The following MAGI3 variants were observed in gnomAD, a reference collection of about 807,000 sequenced individuals.
MAGI3 encodes the protein membrane associated guanylate kinase, WW and PDZ domain containing 3, also known as membrane-associated guanylate kinase, WW and PDZ domain-containing protein 3.
A neutral mutation model predicts 121.8 loss-of-function variants in MAGI3; 43 were observed. The ratio of observed to expected loss-of-function variants is 0.35; its 90% confidence interval spans 0.28 to 0.46. The LOEUF (loss-of-function observed/expected upper bound fraction) is 0.46. MAGI3 is among the 20% of genes least tolerant of loss of function. MAGI3 has a pLI of 1.00. For synonymous variants in MAGI3, 553 were observed against 639.3 expected (o/e 0.86, Z 2.04); for missense variants, 1,547 against 1,797.3 (o/e 0.86, Z 2.52).
At chr1:113,454,402 T>A (rs1447343686) in intron 1 of MAGI3, among the ~76,000 whole-genome samples, 1 of 152,188 alleles carries the variant, frequency 6.6e-6, no homozygotes, top group African/African-American at 2.4e-5. Flanking sequence ...TTTCACTTAG[T>A]AGCTGTGTGA....
intron 1 of MAGI3, among the ~76,000 whole-genome samples, chr1:113,397,783 A>G (rs1392572994): frequency 1.3e-5 from 2 of 152,122 alleles, no homozygotes; most frequent in African/African-American, 2.4e-5. Flanking sequence ...CATTCCACTC[A>G]TAATGTTATA....
intron 1 of MAGI3, among the ~76,000 whole-genome samples, chr1:113,415,992 ATATAAT>A (rs1652282731): frequency 1.2e-5 from 1 of 80,920 alleles, no homozygotes; most frequent in South Asian, 6.3e-4. Context: ...TATATTAATT[ATATAAT>A]TAATTACATA....
chr1:113,673,842 G>A (rs1647706747), intron 19 of MAGI3, among the ~76,000 whole-genome samples: 2 of 152,140 alleles, frequency 1.3e-5, no homozygotes, highest in Non-Finnish European at 2.9e-5. Flanking sequence ...CTTTTTCCAG[G>A]AGGCAATAGG....
At chr1:113,626,572 G>A (rs1319324190) in intron 9 of MAGI3, among the ~76,000 whole-genome samples, 1 of 152,138 alleles carries the variant, frequency 6.6e-6, no homozygotes, top group Non-Finnish European at 1.5e-5. Flanking sequence ...CAGCAGTAAA[G>A]CCATCAGATC....
At chr1:113,660,766 A>ATTTTT (rs33956607) in intron 16 of MAGI3, among the ~76,000 whole-genome samples, 2 of 122,984 alleles carry the variant, frequency 1.6e-5, no homozygotes, top group African/African-American at 6.2e-5. Flanking sequence ...ATAATTTTTA[A>ATTTTT]TTTTTTTTTT....
intron 1 of MAGI3, among the ~76,000 whole-genome samples, chr1:113,547,716 T>C (rs552225410): frequency 2.6e-5 from 4 of 152,344 alleles, no homozygotes; most frequent in East Asian, 1.9e-4. Context: ...CGGTGATGAA[T>C]AGTATACTGT....
intron 6 of MAGI3, among the ~76,000 whole-genome samples, chr1:113,607,992 C>T (rs1649889610): frequency 6.6e-6 from 1 of 152,118 alleles, no homozygotes; most frequent in African/African-American, 2.4e-5. Flanking sequence ...TACCTATTAT[C>T]CTTCGAAGCT....
chr1:113,596,213 C>A (rs1195098611), intron 6 of MAGI3, among the ~76,000 whole-genome samples: 1 of 151,996 alleles, frequency 6.6e-6, no homozygotes, highest in African/African-American at 2.4e-5. Flanking sequence ...ATAAATAGAT[C>A]AGTGGAACAA....
rs1161597981 is a variant in MAGI3 at position 113,416,338 on chromosome 1, CAT to C, written c.316+24994_316+24995del. On this transcript the variant is annotated intron_variant, in intron 1 of 20. Transcript: ENST00000307546. ...ATTATGTAATTAATTATATATCAAT[CAT>C]ATATTAATTATATATTAATTTATAT... 8.4e-4 allele frequency among the ~76,000 whole-genome samples: 45 copies of C among 53,890 alleles called. 2 individuals carry two copies. The highest frequency in any genetic ancestry group is 4.3e-3 in the South Asian group (7 of 1,644). 35.4% of individuals were successfully genotyped at this position (53,890 alleles called of 152,430 possible). A position where few individuals can be genotyped will look rare whatever the true frequency, so the allele number is the denominator to read the frequency against.
intron 1 of MAGI3, among the ~76,000 whole-genome samples, chr1:113,419,321 G>A (rs1403569130): frequency 6.6e-6 from 1 of 151,956 alleles, no homozygotes; most frequent in African/African-American, 2.4e-5. Context: ...AAAAACCTGG[G>A]GACTCTACAG....
At chr1:113,482,328 T>A (rs972847700) in intron 1 of MAGI3, among the ~76,000 whole-genome samples, 3 of 152,120 alleles carry the variant, frequency 2.0e-5, no homozygotes, top group Non-Finnish European at 4.4e-5. Flanking sequence ...TTAAGATATT[T>A]GAGAGTTTCC....
intron 1 of MAGI3, among the ~76,000 whole-genome samples, chr1:113,513,279 T>C (rs1207899952): frequency 6.6e-6 from 1 of 152,064 alleles, no homozygotes; most frequent in Non-Finnish European, 1.5e-5. Context: ...AAAACTACTT[T>C]AAAGTTCATA....
chr1:113,674,762 T>C (rs945909437), intron 19 of MAGI3, among the ~76,000 whole-genome samples: 2 of 152,220 alleles, frequency 1.3e-5, no homozygotes, highest in African/African-American at 4.8e-5. Context: ...CAAAGCTTTA[T>C]GCATGCTACT....
chr1:113,401,292 A>AT (rs1168348755), intron 1 of MAGI3, among the ~76,000 whole-genome samples: 1 of 152,090 alleles, frequency 6.6e-6, no homozygotes, highest in Non-Finnish European at 1.5e-5. Flanking sequence ...ACAATTCTGA[A>AT]TTGTTTGCGT....
rs780357245 is a variant in MAGI3, at chr1:113,651,074, G to T, written c.2308G>T (p.Ala770Ser). 12 of 1,614,074 alleles carry T rather than the reference G, an allele frequency of 7.4e-6. No individual in the cohort carries two copies. In the East Asian group the frequency reaches 2.0e-4, roughly 27 times the overall value. ...TGAGAAAGATGGTCGGCTCCGCGCA[G>T]CTGATGAACTAATGTGCATTGATGG... ...AAEKDGRLRAADELMCIDGIP... is the reference protein window; with the variant it reads ...AAEKDGRLRASDELMCIDGIP... Residue 770 changes from alanine to serine, a missense_variant, in exon 14 of 21, where the codon GCT becomes TCT. Transcript: ENST00000307546.
intron 1 of MAGI3, among the ~76,000 whole-genome samples, chr1:113,523,066 C>G (rs951182406): frequency 6.6e-6 from 1 of 152,162 alleles, no homozygotes; most frequent in African/African-American, 2.4e-5. Context: ...GAATAAGTCT[C>G]ACGAGATCTG....
rs754482464 is a variant in MAGI3 at position 113,683,790 on chromosome 1, GAA to G, written c.4225_4226del (p.Lys1409GlufsTer7). On this transcript the variant is annotated frameshift_variant, in exon 21 of 21. Coordinates refer to ENST00000307546, the MANE Select transcript of MAGI3 (RefSeq NM_001142782.2). LOFTEE classifies it low-confidence loss of function (END_TRUNC). Reference protein sequence around the residue: ...DKIGENVQLSEKRLKQEPEEK... With the variant: ...DKIGENVQLSXKRLKQEPEEK... ...AATAGGAGAAAATGTCCAGCTATCAGAAAAGAGGCTGAAGCAAGAACCTGAAG... is the reference window on the plus strand; with the variant it reads ...AATAGGAGAAAATGTCCAGCTATCAGAAGAGGCTGAAGCAAGAACCTGAAG... The G allele has an allele frequency of 1.6e-5, 26 of 1,607,688 alleles. 1 individual carries two copies. The highest frequency in any genetic ancestry group is 1.6e-4 in the Middle Eastern group (1 of 6,080).
chr1:113,561,822 A>C (rs1660248227), intron 2 of MAGI3, among the ~76,000 whole-genome samples: 1 of 152,128 alleles, frequency 6.6e-6, no homozygotes, highest in Non-Finnish European at 1.5e-5. Context: ...AAGTCAAACT[A>C]TCCCTGTTTG....
chr1:113,404,274 A>G (rs1200014592), intron 1 of MAGI3: 4 of 152,190 alleles, frequency 2.6e-5, no homozygotes, highest in Non-Finnish European at 5.9e-5. Flanking sequence ...GAACTAAGAC[A>G]AAAAGGAAAG....
Sources: gnomAD v4.1 joint callset for allele counts (sites outside exome capture counted in the v4.1 genomes callset) on GRCh38, gnomAD v4.1.1 for gene constraint, MANE v1.5 for transcripts, NCBI Gene and HGNC (gene_info 2026-07-23, HGNC 2026-07-21) for gene names.